The following ARHGEF18 variants were observed in gnomAD, a reference collection of about 807,000 sequenced individuals.
ARHGEF18 encodes the protein Rho/Rac guanine nucleotide exchange factor 18, also known as rho guanine nucleotide exchange factor 18.
In ARHGEF18, 93 loss-of-function variants were observed where a neutral mutation model predicts 155.7. That is an observed-to-expected ratio of 0.60 (90% CI 0.50 to 0.71). The LOEUF (loss-of-function observed/expected upper bound fraction) is 0.71, where lower values mean the gene tolerates loss of function less well. ARHGEF18 is among the 30% of genes least tolerant of loss of function. The pLI, the probability that ARHGEF18 is intolerant of heterozygous loss-of-function variation, is 0.00. For synonymous variants in ARHGEF18, 742 were observed against 753.1 expected (o/e 0.99, Z 0.24); for missense variants, 1,593 against 1,816.1 (o/e 0.88, Z 2.23).
Position 7,372,940 on chromosome 19 carries a change from G to A in ARHGEF18, c.144G>A (p.Glu48=), listed in dbSNP as rs1274191456. The A allele has an allele frequency of 3.4e-5, 42 of 1,234,488 alleles. No homozygotes were observed. The African/African-American group carries it at 6.0e-4, about 18-fold the overall frequency. The allele number at this position is 1,234,488 out of a possible 1,614,324, so 76.5% of individuals were successfully genotyped here. ...LGAPSHSQPG[E]TPDSRPTGEE... is the part of the protein sequence containing the mutation. ...CCCCTTCCCACAGCCAGCCTGGGGAGACCCCAGACAGCCGCCCCACCGGTG... is the reference window on the plus strand; with the variant it reads ...CCCCTTCCCACAGCCAGCCTGGGGAAACCCCAGACAGCCGCCCCACCGGTG... The change falls in exon 3 of 29, where the codon GAG becomes GAA. Residue 48 remains glutamate, a synonymous_variant. Transcript: ENST00000668164.
At chr19:7,453,808 A>G in intron 17 of ARHGEF18, 93 bp downstream of exon 17, 3 of 1,424,660 alleles carry the variant, frequency 2.1e-6, no homozygotes, top group Non-Finnish European at 1.8e-6. Context: ...GATTAGTGGC[A>G]CCATCTTGTA....
At chr19:7,366,033 C>T (rs944891083) in intron 2 of ARHGEF18, among the ~76,000 whole-genome samples, 1 of 152,198 alleles carries the variant, frequency 6.6e-6, no homozygotes, top group Admixed American at 6.5e-5. Context: ...GCAACCTCCA[C>T]CTCCCAGGTT....
chr19:7,368,007 G>GGAAGGAAGGAAGGA (rs1568270664), intron 2 of ARHGEF18, among the ~76,000 whole-genome samples: 2 of 89,254 alleles, frequency 2.2e-5, no homozygotes, highest in African/African-American at 8.8e-5. Context: ...GAGAGGGAGG[G>GGAAGGAAGGAAGGA]AGGGAGGGAG....
intron 13 of ARHGEF18, among the ~76,000 whole-genome samples, chr19:7,443,477 A>C (rs1974799477): frequency 6.6e-6 from 1 of 152,158 alleles, no homozygotes; most frequent in African/African-American, 2.4e-5. Flanking sequence ...CTGGGATTAC[A>C]GACGTGAGCC....
At chr19:7,390,392 G>A (rs1169207245) in intron 10 of ARHGEF18, 1 of 151,554 alleles carries the variant, frequency 6.6e-6, no homozygotes, top group East Asian at 1.9e-4. Flanking sequence ...GCCTGTAATC[G>A]CAGTTACTCA....
the ARHGEF18 span, chr19:7,478,169 G>A: frequency 2.1e-5 from 17 of 827,024 alleles, no homozygotes; most frequent in Non-Finnish European, 2.8e-5. Flanking sequence ...AAAAGGTACC[G>A]CCACCCACCA....
intron 10 of ARHGEF18, among the ~76,000 whole-genome samples, chr19:7,424,319 C>T (rs372901782): frequency 2.0e-5 from 3 of 152,106 alleles, no homozygotes; most frequent in African/African-American, 7.2e-5. Flanking sequence ...AGCCACCACC[C>T]CAGGCCGGAG....
intron 10 of ARHGEF18, among the ~76,000 whole-genome samples, chr19:7,402,594 A>G (rs1972074341): frequency 1.3e-5 from 2 of 152,204 alleles, no homozygotes; most frequent in Non-Finnish European, 2.9e-5. Flanking sequence ...AACTGGAAGC[A>G]CAGTGGCAAT....
In ARHGEF18 at chr19:7,463,015, G is replaced by A. The variant is rs1056834362; in HGVS notation, c.2635+681G>A. On this transcript the variant is annotated intron_variant, in intron 21 of 28. Transcript: ENST00000668164. The surrounding 1 kb of genome is among the most constrained non-coding windows in gnomAD (Gnocchi z 5.2). ...CGCCCAGCTAATTTTTGTATTTTTC[G>A]TAGAGATGGGGTTTCACCATGTTGG... 2.0e-5 allele frequency among the ~76,000 whole-genome samples: 3 copies of A among 151,714 alleles called. No homozygotes were observed. The highest frequency in any genetic ancestry group is 6.6e-5 in the Admixed American group (1 of 15,250).
intron 10 of ARHGEF18, among the ~76,000 whole-genome samples, chr19:7,400,076 C>T (rs1000376789): frequency 6.6e-6 from 1 of 152,064 alleles, no homozygotes; most frequent in Non-Finnish European, 1.5e-5. Flanking sequence ...CGGCTTCATA[C>T]ACTGATTTAT....
intron 18 of ARHGEF18, among the ~76,000 whole-genome samples, chr19:7,457,710 G>A (rs1349593931): frequency 1.3e-4 from 20 of 152,038 alleles, no homozygotes; most frequent in Admixed American, 1.3e-3. Context: ...GCCACATTCT[G>A]AGGTGCTAGG....
At chr19:7,406,071 C>T (rs1972289336) in intron 10 of ARHGEF18, among the ~76,000 whole-genome samples, 1 of 152,022 alleles carries the variant, frequency 6.6e-6, no homozygotes, top group African/African-American at 2.4e-5. Context: ...CAGGAGAACA[C>T]CAGATTCTTT....
intron 16 of ARHGEF18, among the ~76,000 whole-genome samples, chr19:7,452,044 T>C (rs1975513606): frequency 6.6e-6 from 1 of 152,100 alleles, no homozygotes; most frequent in African/African-American, 2.4e-5. Context: ...GGGCTTTTGA[T>C]ACAAGAAAGA....
chr19:7,355,113 CAG>C (rs1476550541), intron 1 of ARHGEF18, among the ~76,000 whole-genome samples: 1 of 131,862 alleles, frequency 7.6e-6, no homozygotes, highest in South Asian at 2.5e-4. Flanking sequence ...CACACACACA[CAG>C]ACAATCACAG....
intron 10 of ARHGEF18, among the ~76,000 whole-genome samples, chr19:7,439,289 C>CCCA (rs1555720548): frequency 6.6e-6 from 1 of 150,744 alleles, no homozygotes; most frequent in Non-Finnish European, 1.5e-5. Context: ...GACCCCCCCC[C>CCCA]AACCTCTACA....
chr19:7,448,963 G>T (rs1975186854), intron 15 of ARHGEF18, among the ~76,000 whole-genome samples: 1 of 152,102 alleles, frequency 6.6e-6, no homozygotes, highest in Non-Finnish European at 1.5e-5. Flanking sequence ...TTCTGCAGTG[G>T]CATTCTACAC....
intron 10 of ARHGEF18, among the ~76,000 whole-genome samples, chr19:7,420,635 G>T (rs1377215806): frequency 6.6e-6 from 1 of 152,312 alleles, no homozygotes; most frequent in Admixed American, 6.5e-5. Context: ...CAACTCTTTT[G>T]CACCCATGGG....
At chr19:7,422,040 C>A (rs1436485510) in intron 10 of ARHGEF18, among the ~76,000 whole-genome samples, 1 of 152,132 alleles carries the variant, frequency 6.6e-6, no homozygotes, top group Non-Finnish European at 1.5e-5. Flanking sequence ...TGCCTCTGAC[C>A]TCCTGTCCCA....
intron 23 of ARHGEF18, 58 bp from the exon 24 acceptor site, chr19:7,466,860 A>T: frequency 8.7e-7 from 1 of 1,147,504 alleles, no homozygotes; most frequent in South Asian, 1.2e-5. Flanking sequence ...AGAAGGCTTG[A>T]GTCTAGTCGG....
Sources: gnomAD v4.1 joint callset for allele counts (sites outside exome capture counted in the v4.1 genomes callset) on GRCh38, gnomAD v4.1.1 for gene constraint, Gnocchi (gnomAD v3.1) non-coding constraint, MANE v1.5 for transcripts, NCBI Gene and HGNC (gene_info 2026-07-23, HGNC 2026-07-21) for gene names.